SYNPR: variants seen among roughly 807,000 people sequenced by gnomAD.
The protein encoded by SYNPR is synaptoporin.
Under a neutral mutation model 32.9 loss-of-function variants are expected in SYNPR, and 23 were observed. That is an observed-to-expected ratio of 0.70 (90% CI 0.50 to 0.99). SYNPR has a LOEUF of 0.99. Among genes scored for constraint, SYNPR ranks in the 50% least tolerant of loss-of-function variants. The pLI is 0.00. For missense variants in SYNPR, 318 were observed against 349.3 expected (o/e 0.91, Z 0.71); for synonymous variants, 146 against 135.9 (o/e 1.07, Z -0.52).
At chr3:63,432,612 T>A (rs1049688467) in intron 2 of SYNPR, among the ~76,000 whole-genome samples, 4 of 152,246 alleles carry the variant, frequency 2.6e-5, no homozygotes, top group Non-Finnish European at 4.4e-5. Context: ...CCTCCTCTTG[T>A]TCTGGTGTGT....
intron 3 of SYNPR, among the ~76,000 whole-genome samples, chr3:63,512,194 C>T (rs1384428851): frequency 1.3e-5 from 2 of 152,140 alleles, no homozygotes; most frequent in East Asian, 1.9e-4. Flanking sequence ...ATACACAGGT[C>T]CCAACAGGGT....
intron 2 of SYNPR, among the ~76,000 whole-genome samples, chr3:63,339,032 G>C (rs540312106): frequency 1.3e-5 from 2 of 152,152 alleles, no homozygotes; most frequent in African/African-American, 4.8e-5. Context: ...TGCTGCGTTT[G>C]CTTGTGAATT....
intron 2 of SYNPR, among the ~76,000 whole-genome samples, chr3:63,258,173 G>A (rs1204085350): frequency 6.6e-6 from 1 of 152,086 alleles, no homozygotes; most frequent in Non-Finnish European, 1.5e-5. Context: ...AAGACAGAAA[G>A]TTAACAAGGA....
upstream of SYNPR, among the ~76,000 whole-genome samples, chr3:63,276,490 G>A (rs573559698): frequency 2.0e-5 from 3 of 152,140 alleles, no homozygotes; most frequent in African/African-American, 7.2e-5. Context: ...AGTTAAGATA[G>A]GTATTTTGGC....
intron 2 of SYNPR, among the ~76,000 whole-genome samples, chr3:63,429,977 G>A (rs1237061289): frequency 6.6e-6 from 1 of 152,194 alleles, no homozygotes; most frequent in African/African-American, 2.4e-5. Context: ...AAGGACCAGG[G>A]AGCCTCTCAT....
At chr3:63,323,928 T>G (rs1217242026) in intron 2 of SYNPR, among the ~76,000 whole-genome samples, 3 of 152,072 alleles carry the variant, frequency 2.0e-5, no homozygotes, top group African/African-American at 7.2e-5. Context: ...AAGCCCAGCA[T>G]GATGAATAAC....
At chr3:63,452,189 C>T (rs1160458726) in intron 2 of SYNPR, 5 of 664,444 alleles carry the variant, frequency 7.5e-6, no homozygotes, top group Non-Finnish European at 2.8e-6. Flanking sequence ...CTATGTAATA[C>T]TGAGCAGCCA....
chr3:63,464,079 G>A (rs1166840712), intron 2 of SYNPR, among the ~76,000 whole-genome samples: 1 of 152,046 alleles, frequency 6.6e-6, no homozygotes, highest in Admixed American at 6.6e-5. Context: ...AGTAAAGAAG[G>A]GATGCATTTC....
At chr3:63,599,762 T>A (rs935216366) in intron 4 of SYNPR, among the ~76,000 whole-genome samples, 1 of 152,254 alleles carries the variant, frequency 6.6e-6, no homozygotes, top group African/African-American at 2.4e-5. Flanking sequence ...TAAGATATTT[T>A]ATTTTTACTG....
At chr3:63,371,679 T>A (rs1448623934) in intron 2 of SYNPR, among the ~76,000 whole-genome samples, 1 of 152,198 alleles carries the variant, frequency 6.6e-6, no homozygotes, top group Non-Finnish European at 1.5e-5. Context: ...CACAGAGAAG[T>A]GGCCAGACTC....
chr3:63,293,098 A>C (rs2086756586), intron 2 of SYNPR, among the ~76,000 whole-genome samples: 1 of 152,244 alleles, frequency 6.6e-6, no homozygotes, highest in Non-Finnish European at 1.5e-5. Context: ...ATGGCTATAC[A>C]TTAATGAGTT....
intron 2 of SYNPR, among the ~76,000 whole-genome samples, chr3:63,376,916 C>T (rs2087902780): frequency 6.6e-6 from 1 of 152,098 alleles, no homozygotes; most frequent in Admixed American, 6.6e-5. Context: ...ATTCCTAGAG[C>T]ATAAAATGGC....
chr3:63,561,394 T>G (rs1702686762), intron 4 of SYNPR: 1 of 152,182 alleles, frequency 6.6e-6, no homozygotes, highest in Non-Finnish European at 1.5e-5. Context: ...GTTGCATCAC[T>G]TATAGGCAGA....
chr3:63,395,262 T>C (rs2088196630), intron 2 of SYNPR, among the ~76,000 whole-genome samples: 1 of 152,234 alleles, frequency 6.6e-6, no homozygotes, highest in Non-Finnish European at 1.5e-5. Flanking sequence ...ACACATTGAT[T>C]CTTGCCTCTA....
intron 2 of SYNPR, chr3:63,443,479 C>G (rs972896718): frequency 6.2e-7 from 1 of 1,605,148 alleles, no homozygotes; most frequent in Non-Finnish European, 8.5e-7. Flanking sequence ...GGTAAGTTTA[C>G]AGCTATCTTG....
chr3:63,459,631 G>A (rs549034848), intron 2 of SYNPR, among the ~76,000 whole-genome samples: 6 of 152,138 alleles, frequency 3.9e-5, no homozygotes, highest in African/African-American at 1.2e-4. Context: ...TTATTTCATT[G>A]AATTAAATCT....
rs533907857 is a variant in SYNPR, at chr3:63,438,510, G to A, written c.85-42322G>A. Among the ~76,000 whole-genome samples the A allele has an allele frequency of 9.9e-5, 15 of 152,258 alleles. No homozygotes were observed. In the East Asian group the frequency reaches 2.5e-3, roughly 25 times the overall value. ...TAGAATTCTTTCAGACAGATTTGAAGCCTACTGAGGAAAGCTAATGATCTA... is the reference window on the plus strand; with the variant it reads ...TAGAATTCTTTCAGACAGATTTGAAACCTACTGAGGAAAGCTAATGATCTA... On this transcript the variant is annotated intron_variant, in intron 2 of 5. Coordinates refer to ENST00000478300, the MANE Select transcript of SYNPR (RefSeq NM_001130003.2).
intron 1 of SYNPR, among the ~76,000 whole-genome samples, chr3:63,236,552 G>A (rs1450487504): frequency 6.6e-6 from 1 of 151,888 alleles, no homozygotes; most frequent in Admixed American, 6.6e-5. Flanking sequence ...GATTTCCTAG[G>A]TTAACATGTT....
chr3:63,336,519 C>CAAAAAAAAAAAAAAAAAAAAAAA (rs3082131), intron 2 of SYNPR, among the ~76,000 whole-genome samples: 1 of 48,840 alleles, frequency 2.0e-5, no homozygotes, highest in Non-Finnish European at 3.9e-5. Flanking sequence ...CATTCCCATG[C>CAAAAAAAAAAAAAAAAAAAAAAA]AAAAAAAAAA....
Sources: allele counts gnomAD v4.1 joint callset (sites outside exome capture counted in the v4.1 genomes callset), GRCh38; gene constraint gnomAD v4.1.1; transcripts MANE v1.5; gene names NCBI Gene and HGNC (gene_info 2026-07-23, HGNC 2026-07-21).